Variants in NRG3 observed in about 807,000 individuals in gnomAD.
The protein encoded by NRG3 is pro-neuregulin-3, membrane-bound isoform.
A neutral mutation model predicts 66.9 loss-of-function variants in NRG3; 31 were observed. The observed-to-expected ratio is 0.46, with a 90% CI of 0.35 to 0.63. NRG3 has a LOEUF of 0.63. Among genes scored for constraint, NRG3 ranks in the 20% least tolerant of loss-of-function variants. The probability of loss-of-function intolerance (pLI) is 0.00; values close to 1 mark genes in which losing one functional copy is unlikely to be tolerated. For synonymous variants in NRG3, 393 were observed against 359.4 expected, an observed-to-expected ratio of 1.09 and a Z score of -1.06; for missense variants, 910 against 878.9, an observed-to-expected ratio of 1.04 and a Z score of -0.45.
At chr10:82,124,060 T>G (rs2068268588) in intron 1 of NRG3, among the ~76,000 whole-genome samples, 1 of 152,072 alleles carries the variant, frequency 6.6e-6, no homozygotes, top group Non-Finnish European at 1.5e-5. Context: ...TTCAAGTATT[T>G]TATCTATCTA....
intron 2 of NRG3, among the ~76,000 whole-genome samples, chr10:82,378,058 G>A (rs112353902): frequency 2.0e-5 from 3 of 152,300 alleles, no homozygotes; most frequent in African/African-American, 7.2e-5. Context: ...AAGGATAGGT[G>A]GAGGTTTTAG....
At chr10:82,145,226 T>C (rs949655441) in intron 1 of NRG3, among the ~76,000 whole-genome samples, 1 of 152,160 alleles carries the variant, frequency 6.6e-6, no homozygotes, top group Non-Finnish European at 1.5e-5. Context: ...CAACAAGGAA[T>C]TGCTAAAATG....
At chr10:82,894,349 T>G (rs2131823993) in intron 4 of NRG3, among the ~76,000 whole-genome samples, 1 of 152,188 alleles carries the variant, frequency 6.6e-6, no homozygotes, top group Non-Finnish European at 1.5e-5. Context: ...TAGCATATAT[T>G]TTTTTTAGAT....
At chr10:81,908,722 T>C (rs188694415) in intron 1 of NRG3, among the ~76,000 whole-genome samples, 142 of 152,278 alleles carry the variant, frequency 9.3e-4, no homozygotes, top group Non-Finnish European at 1.8e-3. Context: ...GGAGAGAAAC[T>C]AAGTTTGTAA....
At chr10:82,217,588 A>G (rs1452707446) in intron 1 of NRG3, among the ~76,000 whole-genome samples, 3 of 152,108 alleles carry the variant, frequency 2.0e-5, no homozygotes, top group African/African-American at 7.2e-5. Context: ...AAAATACAAC[A>G]TTTTTCTCGT....
At chr10:82,477,924 G>C (rs908686325) in intron 2 of NRG3, among the ~76,000 whole-genome samples, 1 of 152,184 alleles carries the variant, frequency 6.6e-6, no homozygotes, top group Admixed American at 6.5e-5. Flanking sequence ...CTATGGTGAG[G>C]CCAAGTGTGC....
chr10:81,884,995 A>G (rs1029976544), intron 1 of NRG3, among the ~76,000 whole-genome samples: 2 of 152,176 alleles, frequency 1.3e-5, no homozygotes, highest in Non-Finnish European at 2.9e-5. Context: ...ATTGTTAACT[A>G]AGTACTATGT....
chr10:82,533,466 A>G (rs1224613515), intron 2 of NRG3, among the ~76,000 whole-genome samples: 1 of 151,138 alleles, frequency 6.6e-6, no homozygotes, highest in African/African-American at 2.4e-5. Flanking sequence ...TTTTTTTTGC[A>G]TATGGTATAA....
intron 3 of NRG3, among the ~76,000 whole-genome samples, chr10:82,784,827 C>T (rs2060275985): frequency 6.6e-6 from 1 of 151,982 alleles, no homozygotes; most frequent in African/African-American, 2.4e-5. Context: ...ACTGGAAATA[C>T]CATTTGACCC....
chr10:82,634,207 T>C (rs2050031478), intron 2 of NRG3, among the ~76,000 whole-genome samples: 2 of 152,082 alleles, frequency 1.3e-5, no homozygotes, highest in South Asian at 2.1e-4. Flanking sequence ...AGTTATTTTT[T>C]TGAGGGGAGG....
chr10:82,546,241 A>G lies in NRG3; in HGVS notation c.953+187373A>G, dbSNP rs550971465. On this transcript the variant is annotated intron_variant, in intron 2 of 8. Coordinates refer to ENST00000372141, the MANE Select transcript of NRG3 (RefSeq NM_001010848.4). Reference sequence around the variant, plus strand: ...CCAAACTCCAGTTCTTAGCAACTGCATTCTAACTGCAGAATTACTCATACA... The same window carrying G: ...CCAAACTCCAGTTCTTAGCAACTGCGTTCTAACTGCAGAATTACTCATACA... 2.0e-5 allele frequency among the ~76,000 whole-genome samples: 3 copies of G among 152,330 alleles called. No individual in the cohort carries two copies. The East Asian group carries it at 5.8e-4, about 29-fold the overall frequency.
At chr10:82,834,077 A>T (rs1453655316) in intron 3 of NRG3, among the ~76,000 whole-genome samples, 1 of 152,164 alleles carries the variant, frequency 6.6e-6, no homozygotes, top group African/African-American at 2.4e-5. Context: ...CATCCTGGGT[A>T]TATCAGGCCC....
intron 2 of NRG3, among the ~76,000 whole-genome samples, chr10:82,664,783 C>G (rs772400571): frequency 6.6e-6 from 1 of 151,862 alleles, no homozygotes; most frequent in Non-Finnish European, 1.5e-5. Flanking sequence ...AGCATGCACT[C>G]CCACCGTCCA....
At chr10:81,997,345 A>G (rs2060977681) in intron 1 of NRG3, among the ~76,000 whole-genome samples, 1 of 152,312 alleles carries the variant, frequency 6.6e-6, no homozygotes, top group South Asian at 2.1e-4. Flanking sequence ...CAGGGTCACT[A>G]TGGGATGTCC....
At chr10:82,001,651 C>G (rs954189382) in intron 1 of NRG3, among the ~76,000 whole-genome samples, 3 of 152,158 alleles carry the variant, frequency 2.0e-5, no homozygotes, top group South Asian at 2.1e-4. Flanking sequence ...CATAGGAAAG[C>G]TAATGAATTG....
chr10:82,477,084 C>G (rs1374545934), intron 2 of NRG3, among the ~76,000 whole-genome samples: 2 of 152,060 alleles, frequency 1.3e-5, no homozygotes, highest in African/African-American at 2.4e-5. Context: ...GCTGCAGAAG[C>G]TGATGTTCAA....
chr10:82,335,095 C>T (rs1422990495), intron 1 of NRG3, among the ~76,000 whole-genome samples: 3 of 152,136 alleles, frequency 2.0e-5, no homozygotes, highest in Non-Finnish European at 2.9e-5. Context: ...TTCACATGGC[C>T]GTGCATTTGC....
At chr10:82,455,715 C>T (rs979031391) in intron 2 of NRG3, among the ~76,000 whole-genome samples, 69 of 151,470 alleles carry the variant, frequency 4.6e-4, no homozygotes, top group Non-Finnish European at 3.4e-4. Context: ...CCCGGGTTCA[C>T]GCCATTCTCC....
At chr10:81,914,217 T>C (rs910762287) in intron 1 of NRG3, among the ~76,000 whole-genome samples, 1 of 152,184 alleles carries the variant, frequency 6.6e-6, no homozygotes. Flanking sequence ...AAAATAAAAT[T>C]AAAAATCACT....
Sources: gnomAD v4.1 joint callset for allele counts (sites outside exome capture counted in the v4.1 genomes callset) on GRCh38, gnomAD v4.1.1 for gene constraint, MANE v1.5 for transcripts, NCBI Gene and HGNC (gene_info 2026-07-23, HGNC 2026-07-21) for gene names.